ACOT1: variants seen among roughly 807,000 people sequenced by gnomAD.
ACOT1 encodes the protein acyl-CoA thioesterase 1, also known as acyl-coenzyme A thioesterase 1.
In ACOT1, 8 loss-of-function variants were observed where a neutral mutation model predicts 15.7. That is an observed-to-expected ratio of 0.51 (90% CI 0.30 to 0.92). The LOEUF (loss-of-function observed/expected upper bound fraction) is 0.92, where lower values mean the gene tolerates loss of function less well. Ranked by LOEUF, ACOT1 falls within the 40% of genes least tolerant of loss-of-function variation. ACOT1 has a pLI of 0.06. For missense variants in ACOT1, 151 were observed against 539.4 expected (o/e 0.28, Z 7.13); for synonymous variants, 67 against 241.2 (o/e 0.28, Z 6.69).
the ACOT1 span, among the ~76,000 whole-genome samples, chr14:73,528,137 G>A: frequency 6.6e-6 from 1 of 152,030 alleles, no homozygotes; most frequent in Admixed American, 6.6e-5. Flanking sequence ...GCTCATGCCT[G>A]TAATCCCAAC....
the ACOT1 span, chr14:73,522,362 G>A: frequency 1.2e-6 from 2 of 1,614,202 alleles, no homozygotes; most frequent in African/African-American, 2.7e-5. Context: ...TGTCTCTTCT[G>A]CCTCCAGCTG....
chr14:73,506,481 C>T, the ACOT1 span: 25 of 1,613,432 alleles, frequency 1.5e-5, no homozygotes, highest in Non-Finnish European at 2.1e-5. Context: ...CAGACATTTC[C>T]ACTGATCCGG....
chr14:73,509,810 CCATATATATATATA>C, the ACOT1 span, among the ~76,000 whole-genome samples: 892 of 63,142 alleles, frequency 0.014, 129 homozygotes, highest in East Asian at 0.026. Flanking sequence ...CCCCATGAGC[CCATATATATATATA>C]TATATATATA....
At chr14:73,513,788 A>G in the ACOT1 span, among the ~76,000 whole-genome samples, 2 of 149,778 alleles carry the variant, frequency 1.3e-5, no homozygotes, top group African/African-American at 2.4e-5. Context: ...TCTGCAGTGT[A>G]ATAATGAGTT....
chr14:73,522,623 C>T, the ACOT1 span: 103 of 1,614,138 alleles, frequency 6.4e-5, no homozygotes, highest in Non-Finnish European at 8.5e-5. Flanking sequence ...AGAAGGTGGC[C>T]GACCCAGCAT....
the ACOT1 span, chr14:73,522,892 A>G: frequency 6.2e-7 from 1 of 1,614,172 alleles, no homozygotes; most frequent in Non-Finnish European, 8.5e-7. Context: ...ACTGGCTATA[A>G]GGAATGCTGG....
chr14:73,506,802 C>CTTTTTTTT, the ACOT1 span, among the ~76,000 whole-genome samples: 30 of 57,990 alleles, frequency 5.2e-4, no homozygotes, highest in Admixed American at 1.3e-3. Context: ...CTGACTTTAA[C>CTTTTTTTT]TGTTTTTTTT....
At chr14:73,492,720 A>G in the ACOT1 span, 13 of 1,613,822 alleles carry the variant, frequency 8.1e-6, no homozygotes, top group Non-Finnish European at 1.0e-5. The surrounding 1 kb of genome is among the most constrained non-coding windows in gnomAD (Gnocchi z 4.9). Context: ...TTGTTTCTCT[A>G]TTACACAGTG....
At chr14:73,513,784 G>A in the ACOT1 span, among the ~76,000 whole-genome samples, 1 of 144,266 alleles carries the variant, frequency 6.9e-6, no homozygotes, top group Non-Finnish European at 1.5e-5. Flanking sequence ...AGAGTCTGCA[G>A]TGTAATAATG....
the ACOT1 span, chr14:73,500,795 A>C: frequency 6.9e-7 from 1 of 1,444,318 alleles, no homozygotes; most frequent in Non-Finnish European, 9.6e-7. Context: ...CCCAACCCCC[A>C]CTAATGCCCT....
chr14:73,506,802 C>CTGTTTTT, the ACOT1 span, among the ~76,000 whole-genome samples: 2 of 58,056 alleles, frequency 3.4e-5, no homozygotes, highest in Non-Finnish European at 5.7e-5. Context: ...CTGACTTTAA[C>CTGTTTTT]TGTTTTTTTT....
the ACOT1 span, among the ~76,000 whole-genome samples, chr14:73,528,766 T>C: frequency 6.6e-6 from 1 of 152,166 alleles, no homozygotes. Flanking sequence ...GGAATTGTTA[T>C]TATTAGTTTA....
At chr14:73,509,470 T>G in the ACOT1 span, 1 of 1,613,844 alleles carries the variant, frequency 6.2e-7, no homozygotes, top group South Asian at 1.1e-5. Flanking sequence ...CTGGATGGTC[T>G]TGTCTGTGAT....
the ACOT1 span, chr14:73,517,302 C>G: frequency 2.6e-5 from 4 of 152,186 alleles, no homozygotes; most frequent in African/African-American, 9.6e-5. Context: ...CTCAAGCGAT[C>G]TGCCTGCCTC....
intron 2 of ACOT1, among the ~76,000 whole-genome samples, chr14:73,542,364 G>T (rs1889115175): frequency 9.7e-6 from 1 of 103,470 alleles, no homozygotes; most frequent in South Asian, 3.1e-4. Flanking sequence ...ATTTGTAGTT[G>T]GTATTATGCA....
At chr14:73,498,438 C>G in the ACOT1 span, 4 of 1,078,162 alleles carry the variant, frequency 3.7e-6, no homozygotes, top group Non-Finnish European at 5.3e-6. Flanking sequence ...AATACCTTCC[C>G]TTTTGGATGG....
At chr14:73,492,665 A>G in the ACOT1 span, 3 of 1,613,878 alleles carry the variant, frequency 1.9e-6, no homozygotes, top group Admixed American at 3.3e-5. The surrounding 1 kb of genome is among the most constrained non-coding windows in gnomAD (Gnocchi z 4.9). Context: ...AGAAGTCCAT[A>G]TGCTTCAGGA....
the ACOT1 span, among the ~76,000 whole-genome samples, chr14:73,502,571 C>T: frequency 2.6e-5 from 4 of 151,436 alleles, no homozygotes; most frequent in Non-Finnish European, 5.9e-5. Flanking sequence ...TTTTTTGAGA[C>T]GGAGTCTTGC....
the ACOT1 span, among the ~76,000 whole-genome samples, chr14:73,518,234 CT>C: frequency 1.4e-4 from 22 of 152,198 alleles, no homozygotes; most frequent in Admixed American, 4.6e-4. Context: ...AAAGGCACAA[CT>C]AGCAGGCCAG....
Sources: allele counts gnomAD v4.1 joint callset (sites outside exome capture counted in the v4.1 genomes callset), GRCh38; gene constraint gnomAD v4.1.1; non-coding constraint Gnocchi (gnomAD v3.1); transcripts MANE v1.5; gene names NCBI Gene and HGNC (gene_info 2026-07-23, HGNC 2026-07-21).